MTCL2: variants seen among roughly 807,000 people sequenced by gnomAD.
MTCL2 encodes the protein microtubule crosslinking factor 2, also known as microtubule cross-linking factor 2.
At chr20:36,816,233 A>G in the MTCL2 span, 2 of 1,612,686 alleles carry the variant, frequency 1.2e-6, no homozygotes, top group Non-Finnish European at 1.7e-6. Flanking sequence ...TGGCAAGCTT[A>G]GTGAGCTTCT....
the MTCL2 span, among the ~76,000 whole-genome samples, chr20:36,856,571 G>A: frequency 6.6e-6 from 1 of 152,260 alleles, no homozygotes; most frequent in African/African-American, 2.4e-5. Flanking sequence ...GGGCCCAGGA[G>A]CTGGGCATCA....
At chr20:36,829,157 T>C in the MTCL2 span, 1 of 1,608,600 alleles carries the variant, frequency 6.2e-7, no homozygotes, top group East Asian at 2.2e-5. Flanking sequence ...CCGCGCCCGT[T>C]TCTTCTCCAC....
At chr20:36,783,815 C>T in the MTCL2 span, 7 of 985,228 alleles carry the variant, frequency 7.1e-6, no homozygotes, top group Non-Finnish European at 8.4e-6. Flanking sequence ...AAACCAATCC[C>T]CCCACCCCAA....
chr20:36,859,762 C>A, the MTCL2 span: 3 of 1,231,618 alleles, frequency 2.4e-6, no homozygotes, highest in Non-Finnish European at 3.0e-6. Flanking sequence ...CTGGTGGGAC[C>A]TCCTTCAACT....
the MTCL2 span, among the ~76,000 whole-genome samples, chr20:36,801,314 T>C: frequency 6.6e-6 from 1 of 152,150 alleles, no homozygotes; most frequent in East Asian, 1.9e-4. Flanking sequence ...CCAGTCACAC[T>C]GAATAAGGAA....
chr20:36,798,127 T>C, the MTCL2 span, among the ~76,000 whole-genome samples: 5 of 152,054 alleles, frequency 3.3e-5, no homozygotes, highest in Non-Finnish European at 7.4e-5. Flanking sequence ...TGGAGTGCTG[T>C]GGTACGATCG....
the MTCL2 span, among the ~76,000 whole-genome samples, chr20:36,805,634 C>T: frequency 0.028 from 4,304 of 152,266 alleles, 253 homozygotes; most frequent in African/African-American, 0.099. Context: ...ACCCCTTCAC[C>T]GTGATATTGT....
the MTCL2 span, among the ~76,000 whole-genome samples, chr20:36,823,966 C>T: frequency 6.6e-6 from 1 of 152,124 alleles, no homozygotes; most frequent in Non-Finnish European, 1.5e-5. Context: ...GTAGGAATTC[C>T]GGATGAGAAG....
chr20:36,855,082 TGGGGTCACG>T, the MTCL2 span, among the ~76,000 whole-genome samples: 199 of 152,066 alleles, frequency 1.3e-3, 2 homozygotes, highest in South Asian at 3.5e-3. Context: ...CAGCTTAACC[TGGGGTCACG>T]GGGGTCACAC....
chr20:36,844,038 C>T, the MTCL2 span, among the ~76,000 whole-genome samples: 1 of 151,536 alleles, frequency 6.6e-6, no homozygotes, highest in Non-Finnish European at 1.5e-5. Context: ...GAGTTTGAGA[C>T]CAGCCTGGCC....
At chr20:36,854,901 G>A in the MTCL2 span, among the ~76,000 whole-genome samples, 3 of 152,136 alleles carry the variant, frequency 2.0e-5, no homozygotes, top group Non-Finnish European at 4.4e-5. Context: ...GCCATTCAGG[G>A]AAGAGTGACA....
chr20:36,784,113 C>G, the MTCL2 span: 1 of 985,700 alleles, frequency 1.0e-6, no homozygotes, highest in Non-Finnish European at 1.2e-6. Flanking sequence ...CTCCCCGAGG[C>G]TGAGTACGCA....
At chr20:36,832,020 C>T in the MTCL2 span, among the ~76,000 whole-genome samples, 1 of 152,218 alleles carries the variant, frequency 6.6e-6, no homozygotes, top group Non-Finnish European at 1.5e-5. Flanking sequence ...CGCAGACATA[C>T]TTGGCCTCAT....
At chr20:36,784,758 C>T in the MTCL2 span, 15 of 985,468 alleles carry the variant, frequency 1.5e-5, no homozygotes, top group East Asian at 1.1e-4. Flanking sequence ...AGAGCTGGGG[C>T]AGGGAGAAGA....
the MTCL2 span, among the ~76,000 whole-genome samples, chr20:36,791,474 C>T: frequency 6.6e-6 from 1 of 152,178 alleles, no homozygotes; most frequent in Admixed American, 6.5e-5. Flanking sequence ...ACCACCTAAA[C>T]GTACAATAAT....
the MTCL2 span, among the ~76,000 whole-genome samples, chr20:36,845,884 G>A: frequency 6.6e-6 from 1 of 152,120 alleles, no homozygotes; most frequent in African/African-American, 2.4e-5. Context: ...AGGCTTCCCA[G>A]CTCCTTCACA....
At chr20:36,797,488 G>A in the MTCL2 span, 1 of 1,552,726 alleles carries the variant, frequency 6.4e-7, no homozygotes, top group Non-Finnish European at 8.7e-7. Context: ...CATGGCAGCA[G>A]CCGCCCCACT....
the MTCL2 span, among the ~76,000 whole-genome samples, chr20:36,830,261 A>C: frequency 1.3e-5 from 2 of 151,956 alleles, no homozygotes; most frequent in Non-Finnish European, 2.9e-5. Flanking sequence ...AGTAGCTCAC[A>C]CCTGTAATCC....
chr20:36,808,665 G>A, the MTCL2 span: 1 of 1,611,900 alleles, frequency 6.2e-7, no homozygotes, highest in Non-Finnish European at 8.5e-7. Flanking sequence ...CAGAATTTCT[G>A]CTCCAGCCTC....
Sources: gnomAD v4.1 joint callset for allele counts (sites outside exome capture counted in the v4.1 genomes callset) on GRCh38, gnomAD v4.1.1 for gene constraint, MANE v1.5 for transcripts, NCBI Gene and HGNC (gene_info 2026-07-23, HGNC 2026-07-21) for gene names.